OSBP2: variants seen among roughly 807,000 people sequenced by gnomAD.
OSBP2 encodes oxysterol binding protein 2, also known as oxysterol-binding protein 2.
A neutral mutation model predicts 96.0 loss-of-function variants in OSBP2; 66 were observed. That is an observed-to-expected ratio of 0.69 (90% CI 0.56 to 0.84). The LOEUF (loss-of-function observed/expected upper bound fraction) is 0.84, where lower values mean the gene tolerates loss of function less well. OSBP2 is among the 40% of genes least tolerant of loss of function. The pLI is 0.00. For missense variants in OSBP2, 1,038 were observed against 1,222.7 expected, an observed-to-expected ratio of 0.85 and a Z score of 2.25; for synonymous variants, 525 against 520.9, an observed-to-expected ratio of 1.01 and a Z score of -0.11.
intron 1 of OSBP2, among the ~76,000 whole-genome samples, chr22:30,733,646 T>C (rs1311310777): frequency 6.6e-6 from 1 of 152,186 alleles, no homozygotes; most frequent in Non-Finnish European, 1.5e-5. Flanking sequence ...GCACCATTCT[T>C]AGTTGATGTA....
chr22:30,783,549 T>A (rs1324363111), intron 2 of OSBP2, among the ~76,000 whole-genome samples: 1 of 152,070 alleles, frequency 6.6e-6, no homozygotes, highest in African/African-American at 2.4e-5. Flanking sequence ...CTCGAATTCC[T>A]GATCTCAAGT....
In OSBP2 at chr22:30,890,714, C is replaced by G. The variant is rs749375252; in HGVS notation, c.1624-14C>G. 1 of 1,609,964 alleles carries G rather than the reference C, an allele frequency of 6.2e-7. No individual in the cohort carries two copies. Among genetic ancestry groups the G allele is most frequent in the Middle Eastern group, 1.7e-4 (1 of 6,058 alleles). On this transcript the variant is annotated splice_polypyrimidine_tract_variant and intron_variant, in intron 7 of 13. Transcript: ENST00000332585. This position sits in a 1 kb window ranked among gnomAD's most constrained non-coding sequence, Gnocchi z 4.4. Reference sequence around the variant, plus strand: ...GCTGGTGCCCAGCCTGACCACCCACCTGTCCACCCACAGGTGAACTTCAAT... The same window carrying G: ...GCTGGTGCCCAGCCTGACCACCCACGTGTCCACCCACAGGTGAACTTCAAT...
chr22:30,866,438 G>C (rs1434284686), intron 2 of OSBP2, among the ~76,000 whole-genome samples: 1 of 152,124 alleles, frequency 6.6e-6, no homozygotes, highest in East Asian at 1.9e-4. Context: ...AGAGCTGTAA[G>C]ATAATAAATG....
At position 30,813,867 on chromosome 22, in the gene OSBP2, A is replaced by T. The variant is rs2091045737; in HGVS notation, c.854-56562A>T. On this transcript the variant is annotated intron_variant, in intron 2 of 13. Coordinates refer to ENST00000332585, the MANE Select transcript of OSBP2 (RefSeq NM_030758.4). ...ATCCAGGCTAGAGTGCAATGGCATG[A>T]TCTCAGCTCACCGCAACCTCCGCCT... 2.0e-5 allele frequency among the ~76,000 whole-genome samples: 3 copies of T among 151,216 alleles called. No individual in the cohort carries two copies. The South Asian group carries it at 6.3e-4, about 32-fold the overall frequency.
chr22:30,748,498 G>T (rs2090035236), intron 2 of OSBP2, among the ~76,000 whole-genome samples: 1 of 152,194 alleles, frequency 6.6e-6, no homozygotes, highest in African/African-American at 2.4e-5. Flanking sequence ...TTTTCATGGT[G>T]ACCTCAGGGC....
chr22:30,768,783 T>C (rs891475739), intron 2 of OSBP2, among the ~76,000 whole-genome samples: 2 of 152,246 alleles, frequency 1.3e-5, no homozygotes, highest in African/African-American at 4.8e-5. Context: ...ATTGTTTCCT[T>C]TGTAACTAGA....
intron 2 of OSBP2, among the ~76,000 whole-genome samples, chr22:30,752,288 CTTTTT>C (rs10691256): frequency 4.1e-3 from 197 of 48,614 alleles, no homozygotes; most frequent in Middle Eastern, 0.018. Flanking sequence ...CTTTGCTTTG[CTTTTT>C]TTTTTTTTTT....
At chr22:30,762,766 C>G (rs1413292749) in intron 2 of OSBP2, among the ~76,000 whole-genome samples, 1 of 152,196 alleles carries the variant, frequency 6.6e-6, no homozygotes, top group Non-Finnish European at 1.5e-5. Context: ...TCAGGAAAGC[C>G]TTCTCTGAGC....
intron 1 of OSBP2, among the ~76,000 whole-genome samples, chr22:30,739,595 C>T (rs1039553708): frequency 1.3e-5 from 2 of 152,032 alleles, no homozygotes; most frequent in Admixed American, 6.6e-5. Context: ...CTGCCCCAGC[C>T]TCCCAAGTAG....
intron 2 of OSBP2, among the ~76,000 whole-genome samples, chr22:30,789,896 A>G (rs1384146771): frequency 6.6e-6 from 1 of 152,102 alleles, no homozygotes; most frequent in Admixed American, 6.5e-5. Flanking sequence ...TTTAGATCAC[A>G]GTTTAATTTT....
chr22:30,852,302 G>T (rs116810724), intron 2 of OSBP2, among the ~76,000 whole-genome samples: 5,622 of 152,140 alleles, frequency 0.037, 204 homozygotes, highest in African/African-American at 0.097. Flanking sequence ...TTTTCTCTGA[G>T]GAAAAGATTT....
chr22:30,765,441 T>A (rs1389898427), intron 2 of OSBP2, among the ~76,000 whole-genome samples: 1 of 152,106 alleles, frequency 6.6e-6, no homozygotes, highest in Non-Finnish European at 1.5e-5. Flanking sequence ...ACTCCTGACC[T>A]CAAGTGATCT....
chr22:30,825,896 T>TG (rs1485362938), intron 2 of OSBP2, among the ~76,000 whole-genome samples: 1 of 152,140 alleles, frequency 6.6e-6, no homozygotes, highest in African/African-American at 2.4e-5. Context: ...AACTTGCAGC[T>TG]GACTGGGTGA....
At chr22:30,821,114 A>G (rs901804778) in intron 2 of OSBP2, among the ~76,000 whole-genome samples, 1 of 152,238 alleles carries the variant, frequency 6.6e-6, no homozygotes, top group Non-Finnish European at 1.5e-5. Flanking sequence ...ACTCAGTCCC[A>G]GGGCCCAGAG....
intron 2 of OSBP2, among the ~76,000 whole-genome samples, chr22:30,818,243 C>T (rs1203728637): frequency 1.3e-5 from 2 of 152,094 alleles, no homozygotes; most frequent in Non-Finnish European, 2.9e-5. Flanking sequence ...TTTTCATAGA[C>T]TTACAAATGT....
At chr22:30,771,738 TTGG>T (rs1329827776) in intron 2 of OSBP2, among the ~76,000 whole-genome samples, 4 of 152,204 alleles carry the variant, frequency 2.6e-5, no homozygotes, top group African/African-American at 9.6e-5. Flanking sequence ...TTGAAAACCA[TTGG>T]TCCAGAGCTT....
At chr22:30,763,652 A>C (rs1034810630) in intron 2 of OSBP2, among the ~76,000 whole-genome samples, 54 of 148,722 alleles carry the variant, frequency 3.6e-4, no homozygotes, top group Non-Finnish European at 7.0e-4. Context: ...AAAAAAAAAA[A>C]CCCACAGGTC....
intron 1 of OSBP2, among the ~76,000 whole-genome samples, chr22:30,702,730 C>G (rs926977744): frequency 2.0e-5 from 3 of 152,212 alleles, no homozygotes; most frequent in Non-Finnish European, 2.9e-5. Flanking sequence ...CCGTACTGAT[C>G]CAAAGAACCA....
In OSBP2 at chr22:30,783,809, G is replaced by A. The variant is rs1055074946; in HGVS notation, c.853+42440G>A. On this transcript the variant is annotated intron_variant, in intron 2 of 13. Transcript: ENST00000332585. ...ATGCAAATGTGCCTCTTCTCAACCT[G>A]GCGCTCTTGCTCGCAACATTGCCCC... Among the ~76,000 whole-genome samples the A allele has an allele frequency of 1.2e-4, 18 of 152,304 alleles. No individual in the cohort carries two copies. The East Asian group carries it at 3.5e-3, about 29-fold the overall frequency.
Sources: allele counts gnomAD v4.1 joint callset (sites outside exome capture counted in the v4.1 genomes callset), GRCh38; gene constraint gnomAD v4.1.1; non-coding constraint Gnocchi (gnomAD v3.1); transcripts MANE v1.5; gene names NCBI Gene and HGNC (gene_info 2026-07-23, HGNC 2026-07-21).